Variants in MOXD1 observed in about 807,000 individuals in gnomAD.
MOXD1 encodes DBH-like monooxygenase protein 1.
In MOXD1, 62 loss-of-function variants were observed where a neutral mutation model predicts 66.6. That is an observed-to-expected ratio of 0.93 (90% confidence interval 0.76 to 1.15). The LOEUF is 1.15. MOXD1 is among the 50% of genes most tolerant of loss of function. The probability of loss-of-function intolerance (pLI) is 0.00; values close to 1 mark genes in which losing one functional copy is unlikely to be tolerated. For synonymous variants in MOXD1, 303 were observed against 281.9 expected (o/e 1.07, Z -0.75); for missense variants, 847 against 754.6 (o/e 1.12, Z -1.44).
chr6:132,357,712 T>G (rs1438056922), intron 4 of MOXD1, among the ~76,000 whole-genome samples: 1 of 152,086 alleles, frequency 6.6e-6, no homozygotes, highest in Non-Finnish European at 1.5e-5. Context: ...TAAAAATTAT[T>G]TAATTATAGA....
intron 4 of MOXD1, among the ~76,000 whole-genome samples, chr6:132,361,594 A>C (rs1776019667): frequency 6.6e-6 from 1 of 152,092 alleles, no homozygotes; most frequent in South Asian, 2.1e-4. Context: ...TAAAACAGTT[A>C]TTTTCAAACA....
chr6:132,390,075 T>TA (rs1439748960), intron 1 of MOXD1, among the ~76,000 whole-genome samples: 1 of 151,384 alleles, frequency 6.6e-6, no homozygotes, highest in African/African-American at 2.4e-5. Context: ...GAAAGAAACT[T>TA]CTATAAAATC....
intron 4 of MOXD1, among the ~76,000 whole-genome samples, chr6:132,363,789 C>T (rs1776062828): frequency 1.3e-5 from 2 of 152,166 alleles, no homozygotes; most frequent in African/African-American, 4.8e-5. Context: ...CTACATACTT[C>T]CTTGCATGTA....
At chr6:132,335,967 T>C (rs1479835210) in intron 4 of MOXD1, among the ~76,000 whole-genome samples, 2 of 152,204 alleles carry the variant, frequency 1.3e-5, no homozygotes, top group African/African-American at 4.8e-5. Context: ...AGTACCTTTC[T>C]TGTCTTGTCT....
At chr6:132,337,133 T>C (rs1007110887) in intron 4 of MOXD1, among the ~76,000 whole-genome samples, 3 of 152,242 alleles carry the variant, frequency 2.0e-5, no homozygotes, top group African/African-American at 7.2e-5. Flanking sequence ...GTTGCATCTC[T>C]ACCAACTGTG....
chr6:132,299,360 T>G (rs996490146), intron 10 of MOXD1, among the ~76,000 whole-genome samples: 2 of 152,122 alleles, frequency 1.3e-5, no homozygotes, highest in African/African-American at 4.8e-5. Flanking sequence ...TCATTCATAC[T>G]CTAAACCTCA....
chr6:132,297,417 G>T, intron 11 of MOXD1, 100 bp from the exon 12 acceptor site: 1 of 1,250,080 alleles, frequency 8.0e-7, no homozygotes, highest in Non-Finnish European at 1.1e-6. Flanking sequence ...GGATAAAGGG[G>T]GCAGGAGTGG....
At chr6:132,341,476 C>A (rs1484937674) in intron 4 of MOXD1, among the ~76,000 whole-genome samples, 1 of 152,130 alleles carries the variant, frequency 6.6e-6, no homozygotes, top group Non-Finnish European at 1.5e-5. Flanking sequence ...ACTCTATTTC[C>A]CAAGCAGATG....
At chr6:132,321,390 T>C (rs1209530180) in intron 8 of MOXD1, among the ~76,000 whole-genome samples, 1 of 152,224 alleles carries the variant, frequency 6.6e-6, no homozygotes. Context: ...TGTGATCACC[T>C]CTTCATTTAC....
chr6:132,371,940 T>C (rs1165040993), intron 4 of MOXD1, among the ~76,000 whole-genome samples: 2 of 152,218 alleles, frequency 1.3e-5, no homozygotes, highest in African/African-American at 4.8e-5. Context: ...TTTGAGAGCA[T>C]GGATCATACC....
At chr6:132,309,341 C>T (rs1435980288) in intron 10 of MOXD1, among the ~76,000 whole-genome samples, 2 of 152,066 alleles carry the variant, frequency 1.3e-5, no homozygotes, top group Non-Finnish European at 2.9e-5. Context: ...TTAAGGAGAA[C>T]TATCAACCAC....
chr6:132,361,019 C>G (rs577390371), intron 4 of MOXD1, among the ~76,000 whole-genome samples: 1 of 152,288 alleles, frequency 6.6e-6, no homozygotes, highest in South Asian at 2.1e-4. Context: ...CTTGCCTTCA[C>G]TAATTTTTAT....
intron 1 of MOXD1, among the ~76,000 whole-genome samples, chr6:132,376,073 A>C (rs9321340): frequency 0.18 from 27,663 of 152,104 alleles, 4,107 homozygotes; most frequent in East Asian, 0.45. Context: ...ATCCAAATCA[A>C]AGTATTAATT....
chr6:132,325,475 G>T (rs1437200796), intron 6 of MOXD1, among the ~76,000 whole-genome samples: 3 of 152,206 alleles, frequency 2.0e-5, no homozygotes, highest in Non-Finnish European at 2.9e-5. Flanking sequence ...TATTTCAGAA[G>T]TGGCTTTGTT....
chr6:132,304,249 G>C (rs150497346), intron 10 of MOXD1, among the ~76,000 whole-genome samples: 1 of 152,150 alleles, frequency 6.6e-6, no homozygotes, highest in African/African-American at 2.4e-5. Context: ...ACAGCAAGAA[G>C]GTGCCATCTT....
At chr6:132,317,239 AT>A (rs1460909630) in intron 9 of MOXD1, among the ~76,000 whole-genome samples, 1 of 152,200 alleles carries the variant, frequency 6.6e-6, no homozygotes, top group Non-Finnish European at 1.5e-5. Context: ...AATATTGTTT[AT>A]ATTCTAAATT....
chr6:132,306,553 A>G (rs558810752), intron 10 of MOXD1, among the ~76,000 whole-genome samples: 25 of 152,224 alleles, frequency 1.6e-4, no homozygotes, highest in African/African-American at 5.8e-4. Flanking sequence ...CCCAAGACAC[A>G]TAATAATCAG....
intron 4 of MOXD1, among the ~76,000 whole-genome samples, chr6:132,364,484 G>T (rs1008098038): frequency 6.6e-6 from 1 of 152,040 alleles, no homozygotes; most frequent in Non-Finnish European, 1.5e-5. Flanking sequence ...TCCTCACTTT[G>T]CAAGTCAAGA....
In MOXD1 at chr6:132,322,689, G is replaced by A. The variant is rs773234924; in HGVS notation, c.1295C>T (p.Thr432Ile). 1.4e-5 allele frequency: 22 copies of A among 1,613,300 alleles called. No individual in the cohort carries two copies. The Admixed American group carries it at 3.5e-4, about 26-fold the overall frequency. ...CAAAAACATGCATACTGGTAAGATT[G>A]TTTGTTCTTCCTTTAGATACTGAAA... is the stretch of plus-strand genomic sequence containing the variant. ...QEFQYLKEEQ[T>I]ILPGDNLITE... Residue 432 changes from threonine (T) to isoleucine (I), a missense_variant, in exon 8 of 12, where the codon ACA (threonine) becomes ATA (isoleucine). Thr to Ile is a moderately conservative substitution (Grantham distance 89, BLOSUM62 -1). Transcript: ENST00000367963.
Sources: gnomAD v4.1 joint callset for allele counts (sites outside exome capture counted in the v4.1 genomes callset) on GRCh38, gnomAD v4.1.1 for gene constraint, MANE v1.5 for transcripts, NCBI Gene and HGNC (gene_info 2026-07-23, HGNC 2026-07-21) for gene names.